Variants in TRAPPC9 observed in about 807,000 individuals in gnomAD.
TRAPPC9 encodes the protein trafficking protein particle complex subunit 9, also known as IKK2 binding protein.
In TRAPPC9, 83 loss-of-function variants were observed where a neutral mutation model predicts 124.0. The ratio of observed to expected loss-of-function variants is 0.67; its 90% CI spans 0.56 to 0.80. The LOEUF (loss-of-function observed/expected upper bound fraction) is 0.80, where lower values mean the gene tolerates loss of function less well. TRAPPC9 is among the 30% of genes least tolerant of loss of function. TRAPPC9 has a pLI of 0.00. For missense variants in TRAPPC9, 1,302 were observed against 1,508.3 expected (o/e 0.86, Z 2.27); for synonymous variants, 638 against 617.5 (o/e 1.03, Z -0.49).
chr8:140,255,788 A>C (rs959827883), intron 15 of TRAPPC9, among the ~76,000 whole-genome samples: 2 of 152,216 alleles, frequency 1.3e-5, no homozygotes, highest in African/African-American at 4.8e-5. Context: ...CAGGAGCCCA[A>C]GGCATGAGAG....
chr8:139,968,884 C>CCCGT (rs1835886106), intron 19 of TRAPPC9, among the ~76,000 whole-genome samples: 1 of 152,184 alleles, frequency 6.6e-6, no homozygotes, highest in African/African-American at 2.4e-5. Context: ...GACTCTAACC[C>CCCGT]CCGTCTCTGC....
chr8:140,051,244 ACCT>A (rs1841977728), intron 17 of TRAPPC9, among the ~76,000 whole-genome samples: 1 of 152,140 alleles, frequency 6.6e-6, no homozygotes, highest in Admixed American at 6.5e-5. Flanking sequence ...GGCCAATGAG[ACCT>A]CCTCCATGAG....
intron 21 of TRAPPC9, among the ~76,000 whole-genome samples, chr8:139,818,506 G>A (rs978244240): frequency 2.6e-5 from 4 of 152,086 alleles, no homozygotes; most frequent in Non-Finnish European, 5.9e-5. Context: ...AACCCAGGAG[G>A]CAGAGGTTGC....
intron 1 of TRAPPC9, among the ~76,000 whole-genome samples, chr8:140,455,215 C>T (rs2071610218): frequency 6.6e-6 from 1 of 152,182 alleles, no homozygotes; most frequent in Admixed American, 6.5e-5. Flanking sequence ...TCACCTCAAC[C>T]TCTGCCTCCC....
chr8:140,346,003 C>A (rs1159335835), intron 9 of TRAPPC9, among the ~76,000 whole-genome samples: 1 of 152,128 alleles, frequency 6.6e-6, no homozygotes, highest in Non-Finnish European at 1.5e-5. Context: ...GGGGTTGGGG[C>A]AGATGCAAGG....
At chr8:139,821,246 G>A (rs550779383) in intron 21 of TRAPPC9, among the ~76,000 whole-genome samples, 4 of 152,362 alleles carry the variant, frequency 2.6e-5, no homozygotes, top group African/African-American at 9.6e-5. Flanking sequence ...AGCAGCCAGC[G>A]AAAAGCAAGT....
At chr8:140,299,496 AAC>A (rs1430233594) in intron 11 of TRAPPC9, among the ~76,000 whole-genome samples, 5 of 152,250 alleles carry the variant, frequency 3.3e-5, no homozygotes, top group Non-Finnish European at 7.3e-5. Context: ...CTGGATATCA[AAC>A]ACAGAGCGCC....
intron 14 of TRAPPC9, among the ~76,000 whole-genome samples, chr8:140,279,297 A>AT (rs1175211837): frequency 2.0e-5 from 3 of 152,258 alleles, no homozygotes; most frequent in South Asian, 2.1e-4. Flanking sequence ...TATTCATTGC[A>AT]TTTTTTATTA....
intron 17 of TRAPPC9, among the ~76,000 whole-genome samples, chr8:140,176,247 C>T (rs1451822155): frequency 2.0e-5 from 3 of 152,156 alleles, no homozygotes; most frequent in African/African-American, 7.2e-5. Flanking sequence ...ACTGGTGTAT[C>T]CACTTGCACA....
chr8:139,840,730 G>A (rs888400131), intron 21 of TRAPPC9, among the ~76,000 whole-genome samples: 2 of 152,166 alleles, frequency 1.3e-5, no homozygotes, highest in African/African-American at 4.8e-5. Flanking sequence ...TACTGGCCTT[G>A]CCCATTCTCG....
intron 21 of TRAPPC9, among the ~76,000 whole-genome samples, chr8:139,796,165 AGG>A (rs1823079218): frequency 6.6e-6 from 1 of 151,374 alleles, no homozygotes; most frequent in African/African-American, 2.4e-5. Context: ...GAAGAGGAGG[AGG>A]AGGAGGAGAA....
At chr8:140,031,978 C>G (rs766194898) in intron 17 of TRAPPC9, among the ~76,000 whole-genome samples, 2 of 152,168 alleles carry the variant, frequency 1.3e-5, no homozygotes, top group Admixed American at 1.3e-4. Context: ...CCAGACAGAA[C>G]CTGGGACCCC....
intron 15 of TRAPPC9, among the ~76,000 whole-genome samples, chr8:140,265,320 T>C (rs974384338): frequency 2.0e-5 from 3 of 152,222 alleles, no homozygotes; most frequent in African/African-American, 7.2e-5. Context: ...TTAAGTTCTG[T>C]AGCTTAAGAG....
rs906429680 is a variant in TRAPPC9 at position 139,825,677 on chromosome 8, G to C, written c.3055+60202C>G. Reference sequence around the variant, plus strand: ...TCTGGTTTGTTTGCTTTGGGCCAGGGCTTCTGCAGGACACAGCCAGTGATC... The same window carrying C: ...TCTGGTTTGTTTGCTTTGGGCCAGGCCTTCTGCAGGACACAGCCAGTGATC... On this transcript the variant is annotated intron_variant, in intron 21 of 22. Coordinates refer to ENST00000438773, the MANE Select transcript of TRAPPC9 (RefSeq NM_001160372.4). This position sits in a 1 kb window ranked among gnomAD's most constrained non-coding sequence, Gnocchi z 4.6. Among the ~76,000 whole-genome samples the C allele has an allele frequency of 6.6e-6, 1 of 152,156 alleles. No individual in the cohort carries two copies. Among genetic ancestry groups the C allele is most frequent in the African/African-American group, 2.4e-5 (1 of 41,438 alleles).
intron 21 of TRAPPC9, among the ~76,000 whole-genome samples, chr8:139,774,314 G>A (rs1298457215): frequency 1.3e-5 from 2 of 152,204 alleles, no homozygotes; most frequent in Admixed American, 6.5e-5. Context: ...AGGGGCTCAG[G>A]AGAAACCGGA....
At chr8:140,284,633 G>A (rs774433711) in intron 13 of TRAPPC9, among the ~76,000 whole-genome samples, 14 of 152,184 alleles carry the variant, frequency 9.2e-5, no homozygotes, top group East Asian at 1.9e-4. Flanking sequence ...GAAATTTCAC[G>A]AGATAATTAT....
chr8:140,261,171 T>C (rs924708718), intron 15 of TRAPPC9, among the ~76,000 whole-genome samples: 4 of 152,216 alleles, frequency 2.6e-5, no homozygotes, highest in African/African-American at 7.2e-5. Flanking sequence ...GCCTAGGTCA[T>C]GTGCATGAAA....
chr8:140,170,927 AG>A (rs1372020000), intron 17 of TRAPPC9, among the ~76,000 whole-genome samples: 2 of 152,212 alleles, frequency 1.3e-5, no homozygotes, highest in Non-Finnish European at 2.9e-5. Context: ...GGTGGGTCAG[AG>A]GTTTTTCAAT....
chr8:140,114,261 C>T (rs1041874161), intron 17 of TRAPPC9, among the ~76,000 whole-genome samples: 2 of 150,520 alleles, frequency 1.3e-5, no homozygotes, highest in African/African-American at 4.9e-5. Flanking sequence ...GGCCATATAT[C>T]CAGCGAGTCA....
Sources: allele counts gnomAD v4.1 joint callset (sites outside exome capture counted in the v4.1 genomes callset), GRCh38; gene constraint gnomAD v4.1.1; non-coding constraint Gnocchi (gnomAD v3.1); transcripts MANE v1.5; gene names NCBI Gene and HGNC (gene_info 2026-07-23, HGNC 2026-07-21).